MRC1: variants seen among roughly 807,000 people sequenced by gnomAD.
MRC1 encodes mannose receptor C-type 1.
MRC1 carries 62 observed loss-of-function variants against 102.9 expected under a neutral mutation model. The observed-to-expected ratio is 0.60, with a 90% CI of 0.49 to 0.74. MRC1 has a LOEUF of 0.74. MRC1 is among the 30% of genes least tolerant of loss of function. The probability of loss-of-function intolerance (pLI) is 0.00; values close to 1 mark genes in which losing one functional copy is unlikely to be tolerated. For synonymous variants in MRC1, 457 were observed against 298.4 expected (o/e 1.53, Z -5.48); for missense variants, 1,237 against 862.8 (o/e 1.43, Z -5.43).
At chr10:17,815,324 A>C (rs1340509336) in intron 1 of MRC1, among the ~76,000 whole-genome samples, 9 of 152,190 alleles carry the variant, frequency 5.9e-5, no homozygotes, top group Admixed American at 3.9e-4. Context: ...GACATGATAC[A>C]TACATAAGGT....
intron 9 of MRC1, among the ~76,000 whole-genome samples, chr10:17,860,331 G>C (rs1036218018): frequency 1.3e-5 from 2 of 151,234 alleles, no homozygotes; most frequent in African/African-American, 4.9e-5. Flanking sequence ...GAGTGTAGTG[G>C]TGTGATTGAT....
At position 17,848,614 on chromosome 10, in the gene MRC1, C is replaced by G. The variant is rs1000220725; in HGVS notation, c.1064-965C>G. On this transcript the variant is annotated intron_variant, in intron 6 of 29. Coordinates refer to ENST00000569591, the MANE Select transcript of MRC1 (RefSeq NM_002438.4). ...ACAAGCACACTCTCTCTATTCTTTT[C>G]TAGTTCAGAAGAACATGGGGTGGGT... 6.6e-5 allele frequency among the ~76,000 whole-genome samples: 10 copies of G among 152,232 alleles called. No homozygotes were observed. In the East Asian group the frequency reaches 1.9e-3, roughly 29 times the overall value.
intron 23 of MRC1, among the ~76,000 whole-genome samples, chr10:17,897,250 A>G (rs1554843479): frequency 6.6e-6 from 1 of 152,216 alleles, no homozygotes; most frequent in African/African-American, 2.4e-5. Context: ...ATCAGATAAT[A>G]CAGACAGAAA....
intron 3 of MRC1, among the ~76,000 whole-genome samples, chr10:17,830,302 T>C (rs1476178566): frequency 1.3e-5 from 2 of 151,048 alleles, no homozygotes; most frequent in Non-Finnish European, 2.9e-5. Flanking sequence ...TGGCTAGTTT[T>C]TGTATTTTGA....
At chr10:17,820,392 T>C (rs1371230749) in intron 1 of MRC1, among the ~76,000 whole-genome samples, 1 of 152,140 alleles carries the variant, frequency 6.6e-6, no homozygotes, top group Non-Finnish European at 1.5e-5. Flanking sequence ...ACTCATTAAA[T>C]GCTGTCTTAG....
chr10:17,847,601 G>GT (rs1838844760), intron 6 of MRC1, among the ~76,000 whole-genome samples: 4 of 152,144 alleles, frequency 2.6e-5, no homozygotes, highest in African/African-American at 9.7e-5. Flanking sequence ...GTGAATTATT[G>GT]TAACACTAAC....
Position 17,883,934 on chromosome 10 carries a change from CTA to C in MRC1, c.2981-1332_2981-1331del, listed in dbSNP as rs1833554138. On this transcript the variant is annotated intron_variant, in intron 21 of 29. Coordinates refer to ENST00000569591, the MANE Select transcript of MRC1 (RefSeq NM_002438.4). Reference sequence around the variant, plus strand: ...GAACTGATAAGCAAGAAGCCATATTCTATAGTCTCATCCAGTGATGTGAGCAC... The same window carrying C: ...GAACTGATAAGCAAGAAGCCATATTCTAGTCTCATCCAGTGATGTGAGCAC... 2.0e-5 allele frequency among the ~76,000 whole-genome samples: 3 copies of C among 152,246 alleles called. No individual in the cohort carries two copies. In the South Asian group the frequency reaches 6.2e-4, roughly 32 times the overall value.
At chr10:17,886,907 G>C (rs1833605523) in intron 22 of MRC1, among the ~76,000 whole-genome samples, 1 of 152,170 alleles carries the variant, frequency 6.6e-6, no homozygotes, top group East Asian at 1.9e-4. Flanking sequence ...GTGGGAAATA[G>C]AATTTAGAGA....
At chr10:17,815,567 G>A (rs1427526654) in intron 1 of MRC1, among the ~76,000 whole-genome samples, 1 of 152,112 alleles carries the variant, frequency 6.6e-6, no homozygotes, top group Non-Finnish European at 1.5e-5. Context: ...CTACTGACTT[G>A]GGAGCGAATG....
intron 9 of MRC1, among the ~76,000 whole-genome samples, chr10:17,861,183 C>T (rs1228906022): frequency 1.3e-5 from 2 of 152,174 alleles, no homozygotes; most frequent in Admixed American, 6.5e-5. Context: ...TGTGGTGGCA[C>T]GTGCCTGTAA....
At chr10:17,823,496 A>G (rs1838428404) in intron 2 of MRC1, 21 bp downstream of exon 2, 5 of 780,042 alleles carry the variant, frequency 6.4e-6, no homozygotes, top group Admixed American at 1.7e-5. Context: ...TGGAATTTTC[A>G]CCTTCGTGTT....
chr10:17,833,848 A>G lies in MRC1; in HGVS notation c.802+9A>G, dbSNP rs1298062101. Reference sequence around the variant, plus strand: ...GCAAACATACCTGACAGGTAAGGACATGAAAAGTCTCAAGTAAAATCATGA... The same window carrying G: ...GCAAACATACCTGACAGGTAAGGACGTGAAAAGTCTCAAGTAAAATCATGA... On this transcript the variant is annotated intron_variant, in intron 4 of 29. Coordinates refer to ENST00000569591, the MANE Select transcript of MRC1 (RefSeq NM_002438.4). 1.4e-5 allele frequency: 11 copies of G among 780,546 alleles called. No homozygotes were observed. Among genetic ancestry groups the G allele is most frequent in the Non-Finnish European group, 1.9e-5 (8 of 417,934 alleles). 48.4% of individuals were successfully genotyped at this position (780,546 alleles called of 1,614,324 possible). A position where few individuals can be genotyped will look rare whatever the true frequency, so the allele number is the denominator to read the frequency against.
Position 17,881,076 on chromosome 10 carries a change from A to G in MRC1, c.2875A>G (p.Ile959Val), listed in dbSNP as rs1009208716. 5.1e-6 allele frequency: 4 copies of G among 780,532 alleles called. No individual in the cohort carries two copies. The highest frequency in any genetic ancestry group is 4.8e-6 in the Non-Finnish European group (2 of 417,920). 48.4% of individuals were successfully genotyped at this position (780,532 alleles called of 1,614,324 possible). The change falls in exon 21 of 30, where the codon ATC (isoleucine) becomes GTC (valine). Residue 959 changes from isoleucine to valine, a missense_variant. Coordinates refer to ENST00000569591, the MANE Select transcript of MRC1 (RefSeq NM_002438.4). The stretch of plus-strand genomic sequence containing the variant: ...CCCTCTTCCATCCCAGTGTTTCAAA[A>G]TCTTTGGATTTATGGAAGAAGAAAG... ...WNFYSNKCFK[I>V]FGFMEEERKN...
intron 5 of MRC1, chr10:17,844,978 C>A: frequency 1.8e-6 from 1 of 558,406 alleles, no homozygotes; most frequent in Non-Finnish European, 3.5e-6. Flanking sequence ...ATAATGTAAT[C>A]CGTTGTGACA....
At chr10:17,833,887 A>G (rs1461091934) in intron 4 of MRC1, 48 bp downstream of exon 4, 3 of 776,268 alleles carry the variant, frequency 3.9e-6, no homozygotes, top group Non-Finnish European at 7.2e-6. Context: ...CTTTATTTTT[A>G]TATAATTTAA....
intron 15 of MRC1, among the ~76,000 whole-genome samples, chr10:17,872,407 G>A (rs1364480756): frequency 6.6e-6 from 1 of 152,184 alleles, no homozygotes; most frequent in Non-Finnish European, 1.5e-5. Flanking sequence ...TTCCATAGCA[G>A]TAGAAGTTTG....
At chr10:17,854,548 A>G (rs996013427) in intron 8 of MRC1, among the ~76,000 whole-genome samples, 1 of 152,268 alleles carries the variant, frequency 6.6e-6, no homozygotes, top group African/African-American at 2.4e-5. Context: ...TTCAAGAAAC[A>G]TGAGTTGTCT....
At chr10:17,885,120 A>T (rs1833573951) in intron 21 of MRC1, 149 bp from the exon 22 acceptor site, 2 of 689,308 alleles carry the variant, frequency 2.9e-6, no homozygotes, top group Non-Finnish European at 5.3e-6. Flanking sequence ...CTGATATTAG[A>T]ATGTTTGTGT....
At chr10:17,870,722 A>C (rs1351837760) in intron 13 of MRC1, 126 bp from the exon 14 acceptor site, 2 of 776,950 alleles carry the variant, frequency 2.6e-6, no homozygotes, top group African/African-American at 3.4e-5. Flanking sequence ...TAGCTGTTAA[A>C]TCTCTTTACT....
Sources: allele counts gnomAD v4.1 joint callset (sites outside exome capture counted in the v4.1 genomes callset), GRCh38; gene constraint gnomAD v4.1.1; transcripts MANE v1.5; gene names NCBI Gene and HGNC (gene_info 2026-07-23, HGNC 2026-07-21).